Variants in TCF7L1 observed in about 807,000 individuals in gnomAD.
TCF7L1 encodes transcription factor 7-like 1.
Under a neutral mutation model 63.7 loss-of-function variants are expected in TCF7L1, and 18 were observed. The ratio of observed to expected loss-of-function variants is 0.28; its 90% confidence interval spans 0.20 to 0.42. The LOEUF (loss-of-function observed/expected upper bound fraction) is 0.42. Among genes scored for constraint, TCF7L1 ranks in the 10% least tolerant of loss-of-function variants. The pLI is 1.00. For missense variants in TCF7L1, 654 were observed against 779.3 expected, an observed-to-expected ratio of 0.84 and a Z score of 1.91; for synonymous variants, 355 against 340.9, an observed-to-expected ratio of 1.04 and a Z score of -0.46.
chr2:85,227,479 AACG>A (rs1558639805), intron 3 of TCF7L1, among the ~76,000 whole-genome samples: 3 of 151,852 alleles, frequency 2.0e-5, no homozygotes, highest in Non-Finnish European at 4.4e-5. Context: ...TAAGAGAAAC[AACG>A]ATCCTAATTT....
At position 85,309,644 on chromosome 2, in the gene TCF7L1, T is replaced by G; in HGVS notation, c.*182T>G. 1 of 522,656 alleles carries G rather than the reference T, an allele frequency of 1.9e-6. No individual in the cohort carries two copies. The highest frequency in any genetic ancestry group is 3.1e-6 in the Non-Finnish European group (1 of 323,088). 32.4% of individuals were successfully genotyped at this position (522,656 alleles called of 1,614,324 possible). ...CCAGTAGCTGATCTTAAGGCTTTTT[T>G]AAAAAACAAAACAAAACAACAAAAA... On this transcript the variant is annotated 3_prime_UTR_variant, in exon 12 of 12. Transcript: ENST00000282111.
At chr2:85,199,604 T>C (rs933112580) in intron 3 of TCF7L1, among the ~76,000 whole-genome samples, 2 of 152,180 alleles carry the variant, frequency 1.3e-5, no homozygotes, top group African/African-American at 4.8e-5. Context: ...TCCAAGCGTC[T>C]GTATGTCTTT....
At chr2:85,262,246 A>G in intron 3 of TCF7L1, 1 of 544,430 alleles carries the variant, frequency 1.8e-6, no homozygotes, top group Non-Finnish European at 3.7e-6. Context: ...TTTTGTAAGT[A>G]TCTGAAGATG....
intron 3 of TCF7L1, among the ~76,000 whole-genome samples, chr2:85,251,308 C>T (rs960498071): frequency 1.3e-4 from 20 of 152,118 alleles, no homozygotes; most frequent in African/African-American, 3.9e-4. Flanking sequence ...GACCCATATC[C>T]GGATATTATT....
At chr2:85,164,999 G>C (rs1012632512) in intron 3 of TCF7L1, among the ~76,000 whole-genome samples, 1 of 152,202 alleles carries the variant, frequency 6.6e-6, no homozygotes, top group Non-Finnish European at 1.5e-5. Context: ...GCATTTTACT[G>C]TAATTGGTTT....
intron 3 of TCF7L1, among the ~76,000 whole-genome samples, chr2:85,158,938 A>G (rs1184248871): frequency 1.3e-5 from 2 of 151,904 alleles, no homozygotes; most frequent in Non-Finnish European, 2.9e-5. Flanking sequence ...GTTACTGAAG[A>G]ATGTGTCTTT....
rs1011542963 is a variant in TCF7L1, at chr2:85,309,679, A to G, written c.*217A>G. The G allele has an allele frequency of 1.7e-5, 8 of 478,220 alleles. No homozygotes were observed. The highest frequency in any genetic ancestry group is 2.8e-5 in the Non-Finnish European group (8 of 281,704). The allele number at this position is 478,220 out of a possible 1,614,324, so 29.6% of individuals were successfully genotyped here. ...AACAAAACAACAAAAAAAAATCTTT[A>G]TAAGAAAGAGAACTGAAAAGTAGCG... On this transcript the variant is annotated 3_prime_UTR_variant, in exon 12 of 12. Coordinates refer to ENST00000282111, the MANE Select transcript of TCF7L1 (RefSeq NM_031283.3).
chr2:85,269,036 T>A (rs1681081287), intron 3 of TCF7L1, among the ~76,000 whole-genome samples: 1 of 151,824 alleles, frequency 6.6e-6, no homozygotes, highest in Non-Finnish European at 1.5e-5. Context: ...ACCCTGCAGG[T>A]ACATGAGAAG....
intron 3 of TCF7L1, among the ~76,000 whole-genome samples, chr2:85,210,423 G>A (rs1679515044): frequency 6.6e-6 from 1 of 152,222 alleles, no homozygotes; most frequent in African/African-American, 2.4e-5. Context: ...TAGGAGAGGA[G>A]GACAGGGGTT....
chr2:85,158,367 A>G (rs1054092025), intron 3 of TCF7L1, among the ~76,000 whole-genome samples: 1 of 152,094 alleles, frequency 6.6e-6, no homozygotes, highest in Non-Finnish European at 1.5e-5. Flanking sequence ...TGTCCAGGAG[A>G]CCATGCACAT....
At chr2:85,148,893 C>T (rs1677943017) in intron 3 of TCF7L1, among the ~76,000 whole-genome samples, 1 of 151,716 alleles carries the variant, frequency 6.6e-6, no homozygotes, top group African/African-American at 2.4e-5. Flanking sequence ...TCTCTCCTGC[C>T]TCAGCCTCCT....
intron 3 of TCF7L1, among the ~76,000 whole-genome samples, chr2:85,203,650 G>A (rs1679329409): frequency 6.6e-6 from 1 of 151,758 alleles, no homozygotes; most frequent in Non-Finnish European, 1.5e-5. Flanking sequence ...GATCACTTGA[G>A]CCCAGGAGGT....
intron 3 of TCF7L1, among the ~76,000 whole-genome samples, chr2:85,149,346 T>TACAC (rs58712600): frequency 3.1e-4 from 47 of 151,850 alleles, no homozygotes; most frequent in Non-Finnish European, 5.2e-4. Flanking sequence ...TATATGTGTA[T>TACAC]ACACACACAC....
intron 3 of TCF7L1, among the ~76,000 whole-genome samples, chr2:85,164,815 C>G (rs557940473): frequency 1.3e-5 from 2 of 152,198 alleles, no homozygotes; most frequent in South Asian, 4.2e-4. Flanking sequence ...TACATGAAAG[C>G]AAAGTTAATT....
At chr2:85,246,024 G>A (rs1191996870) in intron 3 of TCF7L1, among the ~76,000 whole-genome samples, 1 of 152,070 alleles carries the variant, frequency 6.6e-6, no homozygotes, top group Non-Finnish European at 1.5e-5. Flanking sequence ...CCATGAATGT[G>A]GTTTAGGACA....
At chr2:85,169,119 T>C (rs957677615) in intron 3 of TCF7L1, among the ~76,000 whole-genome samples, 2 of 152,162 alleles carry the variant, frequency 1.3e-5, no homozygotes, top group African/African-American at 4.8e-5. Flanking sequence ...CCTTTTCACT[T>C]CACACACCAA....
chr2:85,283,232 A>G (rs951415638), intron 3 of TCF7L1, among the ~76,000 whole-genome samples: 2 of 145,886 alleles, frequency 1.4e-5, no homozygotes, highest in African/African-American at 5.4e-5. Flanking sequence ...GGTTCTCTCC[A>G]CCACTTAAAG....
intron 3 of TCF7L1, among the ~76,000 whole-genome samples, chr2:85,143,755 G>A (rs1313780484): frequency 2.0e-5 from 3 of 152,192 alleles, no homozygotes; most frequent in African/African-American, 4.8e-5. Context: ...TTGTTTCCCA[G>A]TTCAGAAATC....
At chr2:85,271,672 TA>T (rs1450582328) in intron 3 of TCF7L1, among the ~76,000 whole-genome samples, 6 of 152,308 alleles carry the variant, frequency 3.9e-5, no homozygotes, top group Non-Finnish European at 8.8e-5. Context: ...TTATGTACTT[TA>T]AAAATCTCTC....
Sources: allele counts gnomAD v4.1 joint callset (sites outside exome capture counted in the v4.1 genomes callset), GRCh38; gene constraint gnomAD v4.1.1; transcripts MANE v1.5; gene names NCBI Gene and HGNC (gene_info 2026-07-23, HGNC 2026-07-21).